The following ENOX1 variants were observed in gnomAD, a reference collection of about 807,000 sequenced individuals.
The protein encoded by ENOX1 is ecto-NOX disulfide-thiol exchanger 1.
A neutral mutation model predicts 82.5 loss-of-function variants in ENOX1; 42 were observed. The observed-to-expected ratio is 0.51, with a 90% confidence interval of 0.40 to 0.66. The LOEUF is 0.66. Ranked by LOEUF, ENOX1 falls within the 30% of genes least tolerant of loss-of-function variation. ENOX1 has a pLI of 0.00. For synonymous variants in ENOX1, 271 were observed against 282.2 expected, an observed-to-expected ratio of 0.96 and a Z score of 0.40; for missense variants, 608 against 811.6, an observed-to-expected ratio of 0.75 and a Z score of 3.05.
chr13:43,496,421 G>C (rs557091995), intron 2 of ENOX1, among the ~76,000 whole-genome samples: 1 of 151,368 alleles, frequency 6.6e-6, no homozygotes, highest in Admixed American at 6.6e-5. Flanking sequence ...GTCTTACTCT[G>C]GTTGCCCAGG....
At position 43,361,290 on chromosome 13, in the gene ENOX1, G is replaced by A. The variant is rs1346065123; in HGVS notation, c.371C>T (p.Pro124Leu). 2 of 1,612,434 alleles carry A rather than the reference G, an allele frequency of 1.2e-6. No individual in the cohort carries two copies. Among genetic ancestry groups the A allele is most frequent in the Non-Finnish European group, 8.5e-7 (1 of 1,179,512 alleles). The change falls in exon 6 of 17, where the codon CCT (proline) becomes CTT (leucine). Residue 124 changes from proline to leucine, a missense_variant. By Grantham distance (98) the Pro-to-Leu change is moderately conservative (BLOSUM62 -3). Transcript: ENST00000690772. ...IIHCKSCTLFPQNPNLPPPST... is the reference protein window; with the variant it reads ...IIHCKSCTLFLQNPNLPPPST... The stretch of plus-strand genomic sequence containing the variant: ...TAGGCGTTACTTACTTGGATTTTGA[G>A]GAAAAAGAGTACAGCTTTTGCAGTG...
intron 2 of ENOX1, among the ~76,000 whole-genome samples, chr13:43,510,543 A>G (rs2077329325): frequency 6.6e-6 from 1 of 152,166 alleles, no homozygotes; most frequent in Non-Finnish European, 1.5e-5. Context: ...GTTACTCTGC[A>G]TAATCCAATT....
At chr13:43,279,061 C>T (rs1172506514) in intron 12 of ENOX1, among the ~76,000 whole-genome samples, 1 of 152,098 alleles carries the variant, frequency 6.6e-6, no homozygotes, top group African/African-American at 2.4e-5. Flanking sequence ...AGAGTCATGA[C>T]CTTGGCCTGT....
intron 2 of ENOX1, among the ~76,000 whole-genome samples, chr13:43,607,460 T>C (rs2082025306): frequency 6.6e-6 from 1 of 152,190 alleles, no homozygotes; most frequent in Non-Finnish European, 1.5e-5. Flanking sequence ...TTTCAAATAT[T>C]ACCAATGGCA....
At chr13:43,248,606 C>T (rs1265409033) in intron 14 of ENOX1, among the ~76,000 whole-genome samples, 3 of 151,624 alleles carry the variant, frequency 2.0e-5, no homozygotes, top group East Asian at 3.9e-4. Flanking sequence ...CCTTTCTTTT[C>T]CAAAATATAT....
At chr13:43,703,555 G>A (rs2087044552) in intron 1 of ENOX1, among the ~76,000 whole-genome samples, 1 of 152,136 alleles carries the variant, frequency 6.6e-6, no homozygotes, top group Non-Finnish European at 1.5e-5. Context: ...CCTATTCATA[G>A]TCCTATTCCT....
chr13:43,709,162 C>T (rs1483220197), intron 1 of ENOX1, among the ~76,000 whole-genome samples: 5 of 151,814 alleles, frequency 3.3e-5, no homozygotes, highest in Admixed American at 2.0e-4. Flanking sequence ...ATGCAAAAGG[C>T]GAATTAGTAT....
intron 12 of ENOX1, among the ~76,000 whole-genome samples, chr13:43,287,151 C>A (rs2045743745): frequency 6.6e-6 from 1 of 152,142 alleles, no homozygotes; most frequent in Admixed American, 6.5e-5. Context: ...CAGTCACATA[C>A]CCCTGAGTTG....
At chr13:43,729,196 A>G (rs1412274228) in intron 1 of ENOX1, among the ~76,000 whole-genome samples, 19 of 152,196 alleles carry the variant, frequency 1.2e-4, no homozygotes, top group Admixed American at 1.0e-3. Context: ...TGTTTACCCA[A>G]TATGTACTCT....
At chr13:43,427,731 C>T (rs2055408435) in intron 3 of ENOX1, among the ~76,000 whole-genome samples, 1 of 152,136 alleles carries the variant, frequency 6.6e-6, no homozygotes, top group Admixed American at 6.5e-5. Flanking sequence ...ACTAAACAAA[C>T]TAAAAAGTAC....
At chr13:43,582,763 A>G (rs1474879755) in intron 2 of ENOX1, among the ~76,000 whole-genome samples, 1 of 152,098 alleles carries the variant, frequency 6.6e-6, no homozygotes. Context: ...CTTGGAAGAG[A>G]CGGGGTCTTG....
At chr13:43,431,897 G>A (rs376268217) in intron 3 of ENOX1, among the ~76,000 whole-genome samples, 3 of 152,032 alleles carry the variant, frequency 2.0e-5, no homozygotes, top group Admixed American at 6.5e-5. Flanking sequence ...CCAGACCCTC[G>A]AACACCTCCT....
rs370535049 is a variant in ENOX1 at position 43,490,166 on chromosome 13, T to G, written c.-218-6014A>C. Among the ~76,000 whole-genome samples the G allele has an allele frequency of 2.5e-3, 387 of 152,316 alleles. 1 individual carries two copies. The highest frequency in any genetic ancestry group is 8.9e-3 in the African/African-American group (369 of 41,570). On this transcript the variant is annotated intron_variant, in intron 2 of 16. Coordinates refer to ENST00000690772, the MANE Select transcript of ENOX1 (RefSeq NM_001347969.2). ...CATGTTGGCCAGGCTGGTCTCGAACTCCTGGCCTCAAGTGATACACCTGCC... is the reference window on the plus strand; with the variant it reads ...CATGTTGGCCAGGCTGGTCTCGAACGCCTGGCCTCAAGTGATACACCTGCC...
chr13:43,299,336 C>T (rs182632788), intron 11 of ENOX1, among the ~76,000 whole-genome samples: 42 of 151,910 alleles, frequency 2.8e-4, no homozygotes, highest in Non-Finnish European at 4.6e-4. Context: ...GTAGGGAAAT[C>T]CCTTTCCCTA....
At chr13:43,416,204 C>T (rs11504568) in intron 3 of ENOX1, among the ~76,000 whole-genome samples, 66 of 34,780 alleles carry the variant, frequency 1.9e-3, no homozygotes, top group Admixed American at 3.6e-3. Context: ...CCAGACGGGG[C>T]GGCTGGGCAG....
chr13:43,317,201 T>C (rs1471419327), intron 11 of ENOX1, among the ~76,000 whole-genome samples: 1 of 152,242 alleles, frequency 6.6e-6, no homozygotes, highest in Admixed American at 6.5e-5. Flanking sequence ...CTCTGCCAAG[T>C]TCTGAGCCAA....
At chr13:43,752,079 T>C (rs1286456817) in intron 1 of ENOX1, among the ~76,000 whole-genome samples, 1 of 152,210 alleles carries the variant, frequency 6.6e-6, no homozygotes. Context: ...CATTCTACTA[T>C]GTCTATTGTT....
intron 1 of ENOX1, among the ~76,000 whole-genome samples, chr13:43,756,976 A>ACAACAACAACAAC (rs769130265): frequency 9.4e-5 from 14 of 149,086 alleles, no homozygotes; most frequent in African/African-American, 2.7e-4. Context: ...CAACAACAAA[A>ACAACAACAACAAC]AAAAAAAAAA....
chr13:43,375,174 T>A (rs1007404780), intron 5 of ENOX1, among the ~76,000 whole-genome samples: 2 of 152,072 alleles, frequency 1.3e-5, no homozygotes, highest in Non-Finnish European at 2.9e-5. Context: ...AGAAAGAGAA[T>A]TCAATATATT....
Sources: gnomAD v4.1 joint callset for allele counts (sites outside exome capture counted in the v4.1 genomes callset) on GRCh38, gnomAD v4.1.1 for gene constraint, MANE v1.5 for transcripts, NCBI Gene and HGNC (gene_info 2026-07-23, HGNC 2026-07-21) for gene names.